Variants in KIFC2 observed in about 807,000 individuals in gnomAD.
KIFC2 encodes kinesin-like protein KIFC2.
KIFC2 carries 94 observed loss-of-function variants against 91.5 expected under a neutral mutation model. The ratio of observed to expected loss-of-function variants is 1.03; its 90% CI spans 0.87 to 1.22. The LOEUF is 1.22. KIFC2 is among the 50% of genes most tolerant of loss of function. The probability of loss-of-function intolerance (pLI) is 0.00; values close to 1 mark genes in which losing one functional copy is unlikely to be tolerated. For missense variants in KIFC2, 1,357 were observed against 1,103.3 expected, an observed-to-expected ratio of 1.23 and a Z score of -3.26; for synonymous variants, 729 against 503.9, an observed-to-expected ratio of 1.45 and a Z score of -5.98.
intron 10 of KIFC2, 84 bp downstream of exon 10, chr8:144,468,918 CTG>C: frequency 8.6e-7 from 1 of 1,163,638 alleles, no homozygotes; most frequent in Admixed American, 1.9e-5. Flanking sequence ...GGGGAGTTGG[CTG>C]TACTAATAAG....
In KIFC2 at chr8:144,467,372, C is replaced by G. The variant is rs200470132; in HGVS notation, c.469+31C>G. The G allele has an allele frequency of 5.1e-6, 8 of 1,568,618 alleles. No individual in the cohort carries two copies. The African/African-American group carries it at 9.6e-5, about 19-fold the overall frequency. ...TAAAGGACAGTAAGTTGAAGAAGAA[C>G]TCTGGAGGGAGCAAATCCCGGTAGA... On this transcript the variant is annotated intron_variant, in intron 4 of 17. Coordinates refer to ENST00000645548, the MANE Select transcript of KIFC2 (RefSeq NM_001369769.2).
chr8:144,466,801 C>A lies in KIFC2; in HGVS notation c.141C>A (p.Pro47=), dbSNP rs996608501. Residue 47 remains proline, a synonymous_variant, in exon 2 of 18, where the codon CCC becomes CCA. Coordinates refer to ENST00000645548, the MANE Select transcript of KIFC2 (RefSeq NM_001369769.2). ...GGGGTCGCCGGCGCCCAGACCTGCC[C>A]GCGCCAGAGCTGTGGACCGAGCTGA... ...KPRGRRRPDL[P]APELWTELTG... 1.3e-6 allele frequency: 2 copies of A among 1,536,540 alleles called. No homozygotes were observed.
chr8:144,468,232 C>T (rs549021861), intron 7 of KIFC2, 97 bp from the exon 8 acceptor site: 46 of 1,184,440 alleles, frequency 3.9e-5, no homozygotes, highest in South Asian at 3.5e-4. Flanking sequence ...GGGTTCACAG[C>T]CAGCTCTGCC....
intron 15 of KIFC2, 34 bp downstream of exon 15, chr8:144,472,518 G>T (rs1379535458): frequency 2.6e-5 from 42 of 1,611,346 alleles, no homozygotes; most frequent in African/African-American, 4.0e-5. Flanking sequence ...ACCCCGCCCC[G>T]TGCTTCCACT....
rs1043962300 is a variant in KIFC2 at position 144,471,890 on chromosome 8, A to G, written c.1381-52A>G. The G allele has an allele frequency of 3.2e-6, 5 of 1,540,714 alleles. No individual in the cohort carries two copies. The South Asian group carries it at 3.4e-5, about 10-fold the overall frequency. On this transcript the variant is annotated intron_variant, in intron 12 of 17. Coordinates refer to ENST00000645548, the MANE Select transcript of KIFC2 (RefSeq NM_001369769.2). ...CACTCCCCACCCCACCAAATAGGGC[A>G]TAAACAGGCAACGTGGGGAGGACTC... is the stretch of plus-strand genomic sequence containing the variant.
rs1188408741 is a variant in KIFC2 at position 144,466,971 on chromosome 8, C to T, written c.191C>T (p.Pro64Leu). Residue 64 changes from proline to leucine, a missense_variant, in exon 3 of 18, where the codon CCT becomes CTT. Physicochemically the swap from Pro to Leu is moderately conservative, Grantham distance 98. Coordinates refer to ENST00000645548, the MANE Select transcript of KIFC2 (RefSeq NM_001369769.2). Reference sequence around the variant, plus strand: ...CCCTGACCGGCAGCCAGCTCCGAGCCTGAGGATGGGTCGGAAGGCGCAGCC... The same window carrying T: ...CCCTGACCGGCAGCCAGCTCCGAGCTTGAGGATGGGTCGGAAGGCGCAGCC... ...ELTGLAASSEPEDGSEGAAEG... is the reference protein window; with the variant it reads ...ELTGLAASSELEDGSEGAAEG... 5.0e-6 allele frequency: 8 copies of T among 1,595,656 alleles called. No individual in the cohort carries two copies. The highest frequency in any genetic ancestry group is 4.5e-5 in the East Asian group (2 of 44,566).
At chr8:144,468,168 C>G in intron 7 of KIFC2, 161 bp from the exon 8 acceptor site, 1 of 1,036,036 alleles carries the variant, frequency 9.7e-7, no homozygotes, top group Non-Finnish European at 1.4e-6. Context: ...AGTGGCTGAC[C>G]CCAGGAGAGC....
At chr8:144,468,978 C>A in intron 10 of KIFC2, 144 bp downstream of exon 10, 1 of 678,564 alleles carries the variant, frequency 1.5e-6, no homozygotes, top group East Asian at 2.7e-5. Context: ...GGGTGGGATT[C>A]CACTTCTGGG....
At chr8:144,466,547 G>A (rs1824645169) in intron 1 of KIFC2, 29 bp downstream of exon 1, 1 of 1,130,180 alleles carries the variant, frequency 8.8e-7, no homozygotes. Flanking sequence ...GCAGCCCGTC[G>A]TCTCCCGCCG....
chr8:144,472,378 G>A lies in KIFC2; in HGVS notation c.1625G>A (p.Gly542Glu). 1 of 1,613,308 alleles carries A rather than the reference G, an allele frequency of 6.2e-7. No individual in the cohort carries two copies. The highest frequency in any genetic ancestry group is 8.5e-7 in the Non-Finnish European group (1 of 1,179,940). The change falls in exon 15 of 18, where the codon GGG (glycine) becomes GAG (glutamate). Residue 542 changes from glycine (G) to glutamate (E), a missense_variant. Physicochemically the swap from Gly to Glu is moderately conservative, Grantham distance 98. Transcript: ENST00000645548. The stretch of plus-strand genomic sequence containing the variant: ...CTCACCAGGGACCTCCTTGCTCCAG[G>A]GCCTCCCGAGCGCCTGGCCGTGAGG... The part of the protein sequence containing the change: ...NEAVRDLLAP[G>E]PPERLAVRQG...
intron 10 of KIFC2, 29 bp from the exon 11 acceptor site, chr8:144,469,242 T>A: frequency 5.5e-6 from 8 of 1,441,542 alleles, no homozygotes; most frequent in Non-Finnish European, 7.7e-6. Context: ...GGCTGACCCC[T>A]TGCCTTCTGT....
chr8:144,467,145 A>C (rs1032529202), intron 3 of KIFC2, 35 bp downstream of exon 3: 22 of 1,611,634 alleles, frequency 1.4e-5, no homozygotes, highest in Non-Finnish European at 1.7e-5. Flanking sequence ...GGCAGGTACC[A>C]CCTGCCCCGG....
rs371551700 is a variant in KIFC2 at position 144,472,649 on chromosome 8, G to A, written c.1804G>A (p.Ala602Thr). 1.9e-6 allele frequency: 3 copies of A among 1,600,626 alleles called. No homozygotes were observed. Among genetic ancestry groups the A allele is most frequent in the Non-Finnish European group, 2.5e-6 (3 of 1,179,348 alleles). The change falls in exon 16 of 18, where the codon GCC becomes ACC. Residue 602 changes from alanine (A) to threonine (T), a missense_variant. Coordinates refer to ENST00000645548, the MANE Select transcript of KIFC2 (RefSeq NM_001369769.2). Reference sequence around the variant, plus strand: ...GAACCAGCGCAGCTCCCGCTCGCATGCCCTGGTCACGCTGACGCTGCGCGC... The same window carrying A: ...GAACCAGCGCAGCTCCCGCTCGCATACCCTGGTCACGCTGACGCTGCGCGC... ...AMNQRSSRSH[A>T]LVTLTLRAAS...
intron 1 of KIFC2, 112 bp from the exon 2 acceptor site, chr8:144,466,648 C>T (rs1448988324): frequency 1.9e-6 from 2 of 1,028,342 alleles, no homozygotes; most frequent in South Asian, 2.1e-5. Flanking sequence ...CGGCTCGGCC[C>T]CGATGCTGGA....
chr8:144,467,942 C>A lies in KIFC2; in HGVS notation c.765C>A (p.Asp255Glu). 2.5e-6 allele frequency: 4 copies of A among 1,605,466 alleles called. No individual in the cohort carries two copies. The highest frequency in any genetic ancestry group is 3.4e-6 in the Non-Finnish European group (4 of 1,177,336). Residue 255 changes from aspartate to glutamate, a missense_variant, in exon 7 of 18, where the codon GAC becomes GAA. Physicochemically the swap from Asp to Glu is conservative, Grantham distance 45. Coordinates refer to ENST00000645548, the MANE Select transcript of KIFC2 (RefSeq NM_001369769.2). ...ALKQSLSLMR[D>E]LLLHWGPGPP... is the part of the protein sequence containing the mutation. Reference sequence around the variant, plus strand: ...AGCAGAGCCTGAGTCTCATGCGGGACCTCCTGCTGCACTGGGGCCCCGGGC... The same window carrying A: ...AGCAGAGCCTGAGTCTCATGCGGGAACTCCTGCTGCACTGGGGCCCCGGGC...
chr8:144,467,399 C>T (rs1824713611), intron 4 of KIFC2, 58 bp downstream of exon 4: 5 of 1,545,994 alleles, frequency 3.2e-6, no homozygotes, highest in African/African-American at 1.4e-5. Flanking sequence ...CCCGGTAGAA[C>T]CTGGGCGGCC....
chr8:144,469,147 G>C lies in KIFC2; in HGVS notation c.1114-124G>C, dbSNP rs978846819. On this transcript the variant is annotated intron_variant, in intron 10 of 17. Transcript: ENST00000645548. ...CCCCAGGGGCCCAGAGCCACTGAAA[G>C]TTGTGGCTTAGCACAGCTGAGCGGG... 12 of 791,570 alleles carry C rather than the reference G, an allele frequency of 1.5e-5. No individual in the cohort carries two copies. In the African/African-American group the frequency reaches 2.1e-4, roughly 14 times the overall value. 49.0% of individuals were successfully genotyped at this position (791,570 alleles called of 1,614,324 possible). A position where few individuals can be genotyped will look rare whatever the true frequency, so the allele number is the denominator to read the frequency against.
At position 144,467,750 on chromosome 8, in the gene KIFC2, G is replaced by A. The variant is rs757389264; in HGVS notation, c.652G>A (p.Glu218Lys). 5.6e-6 allele frequency: 9 copies of A among 1,613,780 alleles called. No homozygotes were observed. The highest frequency in any genetic ancestry group is 2.2e-5 in the East Asian group (1 of 44,906). ...GAAGCAGCAGCTGGAACAGCAGGAG[G>A]AGGAGTTGGGTCGACTGCGCCTGGG... is the stretch of plus-strand genomic sequence containing the variant. ...ELKQQLEQQE[E>K]ELGRLRLGVG... Residue 218 changes from glutamate to lysine, a missense_variant, in exon 6 of 18, where the codon GAG becomes AAG. Glu to Lys is a moderately conservative substitution (Grantham distance 56). Transcript: ENST00000645548.
chr8:144,466,227 G>A, upstream of KIFC2: 1 of 188,542 alleles, frequency 5.3e-6, no homozygotes, highest in Non-Finnish European at 1.1e-5. Flanking sequence ...GAGAAACGGC[G>A]GGTCTCCAGG....
Sources: allele counts gnomAD v4.1 joint callset, GRCh38; gene constraint gnomAD v4.1.1; transcripts MANE v1.5; gene names NCBI Gene and HGNC (gene_info 2026-07-23, HGNC 2026-07-21).